Variants in INPP4B observed in about 807,000 individuals in gnomAD.
The protein encoded by INPP4B is inositol polyphosphate-4-phosphatase type II B.
INPP4B carries 55 observed loss-of-function variants against 122.5 expected under a neutral mutation model. The ratio of observed to expected loss-of-function variants is 0.45; its 90% CI spans 0.36 to 0.56. INPP4B has a LOEUF of 0.56. Ranked by LOEUF, INPP4B falls within the 20% of genes least tolerant of loss-of-function variation. The pLI, the probability that INPP4B is intolerant of heterozygous loss-of-function variation, is 0.00. For synonymous variants in INPP4B, 403 were observed against 388.7 expected (o/e 1.04, Z -0.43); for missense variants, 1,000 against 1,097.7 (o/e 0.91, Z 1.26).
intron 25 of INPP4B, among the ~76,000 whole-genome samples, chr4:142,072,223 A>G (rs1767855944): frequency 6.6e-6 from 1 of 152,118 alleles, no homozygotes; most frequent in Non-Finnish European, 1.5e-5. Flanking sequence ...ATTCTTAGCA[A>G]ACTATCGCAA....
chr4:142,226,451 A>G (rs1851631235), intron 12 of INPP4B, among the ~76,000 whole-genome samples: 1 of 152,198 alleles, frequency 6.6e-6, no homozygotes, highest in Non-Finnish European at 1.5e-5. Flanking sequence ...AATTTATTAA[A>G]CTTCTCAAAA....
chr4:142,333,843 G>A (rs1475208107), intron 7 of INPP4B, among the ~76,000 whole-genome samples: 1 of 152,052 alleles, frequency 6.6e-6, no homozygotes, highest in African/African-American at 2.4e-5. Context: ...TATTTAACCT[G>A]TCCATCACCT....
At chr4:142,100,838 C>T (rs1784164941) in intron 23 of INPP4B, among the ~76,000 whole-genome samples, 1 of 152,108 alleles carries the variant, frequency 6.6e-6, no homozygotes, top group African/African-American at 2.4e-5. Flanking sequence ...AAATGGCCAC[C>T]TCTGAAGTCA....
chr4:142,640,842 C>T (rs770788458), intron 2 of INPP4B, among the ~76,000 whole-genome samples: 10 of 151,806 alleles, frequency 6.6e-5, no homozygotes, highest in Non-Finnish European at 1.2e-4. Flanking sequence ...CATTAATAAT[C>T]ATGGAAATGC....
chr4:142,342,749 G>C (rs2151711408), intron 7 of INPP4B, among the ~76,000 whole-genome samples: 1 of 152,186 alleles, frequency 6.6e-6, no homozygotes, highest in East Asian at 1.9e-4. Flanking sequence ...TCCCAAAAAA[G>C]CATTCATGTT....
chr4:142,438,382 C>G (rs143991246), intron 3 of INPP4B, among the ~76,000 whole-genome samples: 352 of 152,168 alleles, frequency 2.3e-3, no homozygotes, highest in African/African-American at 7.7e-3. Flanking sequence ...TAATAGAGAC[C>G]TCAGAAATAA....
At chr4:142,034,065 T>C (rs1012203366) in intron 25 of INPP4B, among the ~76,000 whole-genome samples, 1 of 152,200 alleles carries the variant, frequency 6.6e-6, no homozygotes, top group Non-Finnish European at 1.5e-5. Flanking sequence ...GTACAGTCCA[T>C]GGTAAACATT....
intron 14 of INPP4B, among the ~76,000 whole-genome samples, chr4:142,204,389 C>A (rs1841863534): frequency 6.6e-6 from 1 of 152,036 alleles, no homozygotes; most frequent in Non-Finnish European, 1.5e-5. Context: ...TCTTCAAAGA[C>A]CAGAACCAGT....
At chr4:142,305,694 A>G (rs1207961806) in intron 8 of INPP4B, 157 bp from the exon 9 acceptor site, 10 of 1,452,556 alleles carry the variant, frequency 6.9e-6, no homozygotes, top group African/African-American at 1.4e-5. Flanking sequence ...TCAATAATAT[A>G]TCTACCTCAT....
chr4:142,481,106 G>C (rs867755503), intron 2 of INPP4B, among the ~76,000 whole-genome samples: 1 of 136,192 alleles, frequency 7.3e-6, no homozygotes, highest in Middle Eastern at 4.5e-3. Flanking sequence ...CTGCACTCCA[G>C]CCTGGCAACA....
intron 12 of INPP4B, among the ~76,000 whole-genome samples, chr4:142,221,170 C>A (rs927499695): frequency 2.0e-5 from 3 of 151,842 alleles, no homozygotes; most frequent in East Asian, 1.9e-4. Flanking sequence ...GAGGCCGAGG[C>A]GAGTGGATCA....
At chr4:142,280,663 T>C (rs1385022742) in intron 9 of INPP4B, among the ~76,000 whole-genome samples, 2 of 151,942 alleles carry the variant, frequency 1.3e-5, no homozygotes, top group African/African-American at 4.8e-5. Context: ...TTTTACTCTA[T>C]GTTAATGTAT....
intron 25 of INPP4B, among the ~76,000 whole-genome samples, chr4:142,062,935 A>AAT (rs1761790230): frequency 1.3e-5 from 2 of 152,216 alleles, no homozygotes. Flanking sequence ...GAAATGGGGA[A>AAT]ATATGTTAAC....
At chr4:142,143,914 ACTTCT>A (rs1809235126) in intron 18 of INPP4B, among the ~76,000 whole-genome samples, 2 of 152,042 alleles carry the variant, frequency 1.3e-5, no homozygotes, top group Admixed American at 1.3e-4. Flanking sequence ...TTAAATAGTG[ACTTCT>A]CTTAAAAAAA....
chr4:142,320,131 C>A (rs1393803936), intron 7 of INPP4B, among the ~76,000 whole-genome samples: 1 of 152,208 alleles, frequency 6.6e-6, no homozygotes, highest in East Asian at 1.9e-4. Flanking sequence ...GGCCACACAC[C>A]AGCAGCCCTT....
chr4:142,030,503 A>C (rs188589615), intron 25 of INPP4B, among the ~76,000 whole-genome samples: 9 of 152,326 alleles, frequency 5.9e-5, no homozygotes, highest in Admixed American at 3.3e-4. Context: ...AAGGAATTAA[A>C]ACAGGAGATT....
intron 2 of INPP4B, among the ~76,000 whole-genome samples, chr4:142,487,037 G>A (rs1821286618): frequency 6.6e-6 from 1 of 152,160 alleles, no homozygotes; most frequent in South Asian, 2.1e-4. Context: ...GGGACCCGGT[G>A]AAAGAAGATT....
chr4:142,110,956 G>T (rs965044909), intron 22 of INPP4B, among the ~76,000 whole-genome samples: 1 of 152,046 alleles, frequency 6.6e-6, no homozygotes, highest in Non-Finnish European at 1.5e-5. Flanking sequence ...ACACTCTACT[G>T]TAGTGTACCG....
At chr4:142,061,883 CACATATAT>C (rs1161901764) in intron 25 of INPP4B, among the ~76,000 whole-genome samples, 4 of 11,634 alleles carry the variant, frequency 3.4e-4, no homozygotes, top group African/African-American at 5.1e-4. Context: ...CACACACACA[CACATATAT>C]ATATATATAT....
Sources: gnomAD v4.1 joint callset for allele counts (sites outside exome capture counted in the v4.1 genomes callset) on GRCh38, gnomAD v4.1.1 for gene constraint, MANE v1.5 for transcripts, NCBI Gene and HGNC (gene_info 2026-07-23, HGNC 2026-07-21) for gene names.